MCHR2: variants seen among roughly 807,000 people sequenced by gnomAD.
MCHR2 encodes melanin-concentrating hormone receptor 2.
A neutral mutation model predicts 24.8 loss-of-function variants in MCHR2; 15 were observed. The observed-to-expected ratio is 0.60, with a 90% CI of 0.40 to 0.93. The LOEUF (loss-of-function observed/expected upper bound fraction) is 0.93. Ranked by LOEUF, MCHR2 falls within the 40% of genes least tolerant of loss-of-function variation. MCHR2 has a pLI of 0.00. For synonymous variants in MCHR2, 151 were observed against 147.6 expected, an observed-to-expected ratio of 1.02 and a Z score of -0.17; for missense variants, 386 against 408.7, an observed-to-expected ratio of 0.94 and a Z score of 0.48.
At chr6:99,981,940 T>C (rs1775676856) in intron 1 of MCHR2, among the ~76,000 whole-genome samples, 1 of 152,190 alleles carries the variant, frequency 6.6e-6, no homozygotes. Context: ...TGTAAACATA[T>C]GGTGTAAGCT....
chr6:99,971,904 A>C (rs983210242), intron 1 of MCHR2, among the ~76,000 whole-genome samples: 3 of 152,214 alleles, frequency 2.0e-5, no homozygotes, highest in African/African-American at 7.2e-5. Flanking sequence ...CATCCCAGGG[A>C]TGAAGCCCAT....
At position 99,988,944 on chromosome 6, in the gene MCHR2, C is replaced by T. The variant is rs185167424; in HGVS notation, c.-28+4992G>A. Among the ~76,000 whole-genome samples, 166 of 152,200 alleles carry T rather than the reference C, an allele frequency of 1.1e-3. 1 individual carries two copies. The highest frequency in any genetic ancestry group is 1.3e-3 in the Non-Finnish European group (87 of 68,012). ...ATGACTAATGTTAGCTTCTCAAGGC[C>T]GTTATGAGTCAATTAAGAGACCAGC... On this transcript the variant is annotated intron_variant, in intron 1 of 5. Transcript: ENST00000281806.
chr6:99,969,675 G>A (rs1027967228), intron 1 of MCHR2, among the ~76,000 whole-genome samples: 20 of 149,532 alleles, frequency 1.3e-4, no homozygotes, highest in African/African-American at 4.4e-4. Flanking sequence ...CCATTAACTC[G>A]TCATTTAGCA....
intron 1 of MCHR2, among the ~76,000 whole-genome samples, chr6:99,985,457 T>C (rs893535348): frequency 6.6e-6 from 1 of 152,142 alleles, no homozygotes; most frequent in Non-Finnish European, 1.5e-5. Flanking sequence ...CAAAACAGCA[T>C]GATGCTGGCG....
chr6:99,938,439 T>C (rs1753920429), intron 4 of MCHR2, among the ~76,000 whole-genome samples: 1 of 152,114 alleles, frequency 6.6e-6, no homozygotes, highest in African/African-American at 2.4e-5. Context: ...TCTTTCTTGA[T>C]GTATTCATTG....
At chr6:99,986,239 A>G (rs1034947436) in intron 1 of MCHR2, among the ~76,000 whole-genome samples, 3 of 152,182 alleles carry the variant, frequency 2.0e-5, no homozygotes, top group African/African-American at 7.2e-5. Context: ...GTAAATTAGT[A>G]CAACTTTACA....
chr6:99,987,767 A>G (rs934475149), intron 1 of MCHR2, among the ~76,000 whole-genome samples: 2 of 152,182 alleles, frequency 1.3e-5, no homozygotes, highest in African/African-American at 4.8e-5. Context: ...AAATGGATAA[A>G]CATATAAAAG....
At chr6:99,922,556 G>T (rs1210329037) in intron 5 of MCHR2, among the ~76,000 whole-genome samples, 2 of 152,122 alleles carry the variant, frequency 1.3e-5, no homozygotes, top group African/African-American at 4.8e-5. Context: ...ACTTTGATTT[G>T]ATTTTTGTAT....
At chr6:99,981,049 T>C (rs1196953107) in intron 1 of MCHR2, among the ~76,000 whole-genome samples, 1 of 152,216 alleles carries the variant, frequency 6.6e-6, no homozygotes, top group Admixed American at 6.5e-5. Flanking sequence ...CAAATGCTTA[T>C]AAAATAGGAG....
chr6:99,981,543 T>C (rs886779240), intron 1 of MCHR2, among the ~76,000 whole-genome samples: 13 of 152,196 alleles, frequency 8.5e-5, no homozygotes, highest in African/African-American at 3.1e-4. Flanking sequence ...GGATTGAGAA[T>C]GGGGTCAAAT....
intron 5 of MCHR2, among the ~76,000 whole-genome samples, chr6:99,930,478 A>T (rs1395423232): frequency 6.6e-6 from 1 of 152,180 alleles, no homozygotes; most frequent in African/African-American, 2.4e-5. Flanking sequence ...AGGTACACCA[A>T]TCAGACGTAG....
chr6:99,933,634 AT>A (rs67838280), intron 5 of MCHR2, among the ~76,000 whole-genome samples: 48,725 of 151,944 alleles, frequency 0.32, 8,281 homozygotes, highest in Admixed American at 0.42. Context: ...AGTTGCTCAC[AT>A]TTTTTTAAAC....
At chr6:99,947,246 G>T (rs985411730) in intron 3 of MCHR2, among the ~76,000 whole-genome samples, 3 of 152,142 alleles carry the variant, frequency 2.0e-5, no homozygotes, top group Admixed American at 2.0e-4. Context: ...TTGCTTCATG[G>T]TTGTATAATA....
At chr6:99,952,639 A>G (rs1474514905) in intron 2 of MCHR2, among the ~76,000 whole-genome samples, 4 of 152,152 alleles carry the variant, frequency 2.6e-5, no homozygotes, top group East Asian at 1.9e-4. Flanking sequence ...TGATGAAAAC[A>G]TTAATACAAA....
intron 1 of MCHR2, among the ~76,000 whole-genome samples, chr6:99,986,137 C>A (rs1008672039): frequency 2.0e-5 from 3 of 152,006 alleles, no homozygotes; most frequent in African/African-American, 7.2e-5. Context: ...CCACTTATAC[C>A]AGCCAGAATG....
chr6:99,987,204 G>A (rs371876433), intron 1 of MCHR2, among the ~76,000 whole-genome samples: 2 of 152,006 alleles, frequency 1.3e-5, no homozygotes, highest in South Asian at 2.1e-4. Flanking sequence ...GGGTTCAAGC[G>A]ATTCTCCTGC....
chr6:99,950,093 A>G (rs1165756940), intron 2 of MCHR2, among the ~76,000 whole-genome samples: 2 of 152,080 alleles, frequency 1.3e-5, no homozygotes, highest in African/African-American at 2.4e-5. Flanking sequence ...TGGTAATTCT[A>G]TTGTGGGAAC....
intron 1 of MCHR2, among the ~76,000 whole-genome samples, chr6:99,965,792 C>CT (rs1342624962): frequency 1.3e-5 from 2 of 152,008 alleles, no homozygotes; most frequent in African/African-American, 4.8e-5. Flanking sequence ...CATAAGCAAA[C>CT]TTTTTCCAAT....
intron 3 of MCHR2, among the ~76,000 whole-genome samples, chr6:99,946,042 G>A (rs1418960246): frequency 6.7e-6 from 1 of 148,850 alleles, no homozygotes. Flanking sequence ...TTCAAAAAAA[G>A]CCAATATTCT....
Sources: allele counts gnomAD v4.1 joint callset (sites outside exome capture counted in the v4.1 genomes callset), GRCh38; gene constraint gnomAD v4.1.1; transcripts MANE v1.5; gene names NCBI Gene and HGNC (gene_info 2026-07-23, HGNC 2026-07-21).